The following SLC25A21 variants were observed in gnomAD, a reference collection of about 807,000 sequenced individuals.
SLC25A21 encodes solute carrier family 25 member 21, also known as mitochondrial 2-oxodicarboxylate carrier.
Under a neutral mutation model 43.8 loss-of-function variants are expected in SLC25A21, and 47 were observed. The ratio of observed to expected loss-of-function variants is 1.07; its 90% CI spans 0.85 to 1.37. SLC25A21 has a LOEUF of 1.37. Ranked by LOEUF, SLC25A21 falls within the 40% of genes most tolerant of loss-of-function variation. The pLI is 0.00. For synonymous variants in SLC25A21, 131 were observed against 121.3 expected, an observed-to-expected ratio of 1.08 and a Z score of -0.52; for missense variants, 352 against 350.2, an observed-to-expected ratio of 1.00 and a Z score of -0.04.
chr14:37,151,201 G>T (rs929249285), intron 1 of SLC25A21, among the ~76,000 whole-genome samples: 1 of 152,044 alleles, frequency 6.6e-6, no homozygotes, highest in South Asian at 2.1e-4. Context: ...AATTACATGC[G>T]ACTTAAGATT....
chr14:37,076,970 G>C (rs1038274490), intron 1 of SLC25A21, among the ~76,000 whole-genome samples: 1 of 152,090 alleles, frequency 6.6e-6, no homozygotes, highest in African/African-American at 2.4e-5. Flanking sequence ...TAAAATTAAC[G>C]TAAAGTATGT....
At position 36,932,992 on chromosome 14, in the gene SLC25A21, C is replaced by A. The variant is rs538791983; in HGVS notation, c.71-57988G>T. Among the ~76,000 whole-genome samples, 44 of 152,174 alleles carry A rather than the reference C, an allele frequency of 2.9e-4. No homozygotes were observed. The South Asian group carries it at 8.7e-3, about 30-fold the overall frequency. On this transcript the variant is annotated intron_variant, in intron 1 of 9. Transcript: ENST00000331299. ...AAAAAAGAACTAAATAAATGTTAGGCATTGTTGTTTGGTAGAATTACATAA... is the reference window on the plus strand; with the variant it reads ...AAAAAAGAACTAAATAAATGTTAGGAATTGTTGTTTGGTAGAATTACATAA...
At chr14:37,059,778 C>T (rs1344740314) in intron 1 of SLC25A21, among the ~76,000 whole-genome samples, 1 of 152,092 alleles carries the variant, frequency 6.6e-6, no homozygotes, top group Non-Finnish European at 1.5e-5. Flanking sequence ...CTTAGCTAGT[C>T]TGGAATGGCC....
At chr14:36,944,277 T>C (rs1207274003) in intron 1 of SLC25A21, among the ~76,000 whole-genome samples, 3 of 152,086 alleles carry the variant, frequency 2.0e-5, no homozygotes, top group African/African-American at 7.2e-5. Context: ...AGGAAAGACA[T>C]GTGGACAAGT....
chr14:36,740,526 C>T (rs888349430), intron 3 of SLC25A21, among the ~76,000 whole-genome samples: 9 of 152,190 alleles, frequency 5.9e-5, no homozygotes, highest in Non-Finnish European at 1.3e-4. Context: ...AGATCAAAAA[C>T]TACATCACGT....
At chr14:37,144,808 T>G (rs546850657) in intron 1 of SLC25A21, among the ~76,000 whole-genome samples, 2 of 152,204 alleles carry the variant, frequency 1.3e-5, no homozygotes, top group African/African-American at 4.8e-5. Flanking sequence ...TTTTTTAGTA[T>G]TTTTAGTAGA....
intron 1 of SLC25A21, among the ~76,000 whole-genome samples, chr14:37,118,260 T>C (rs1317493640): frequency 6.6e-6 from 1 of 152,086 alleles, no homozygotes; most frequent in Non-Finnish European, 1.5e-5. Flanking sequence ...TGACAACTGA[T>C]GGCTCCACCC....
At chr14:36,875,063 T>C (rs1890480987) in intron 1 of SLC25A21, 59 bp from the exon 2 acceptor site, 1 of 1,415,606 alleles carries the variant, frequency 7.1e-7, no homozygotes. Flanking sequence ...TCTTATTTCC[T>C]TGATCCCGTC....
At position 36,742,967 on chromosome 14, in the gene SLC25A21, A is replaced by T. The variant is rs537989009; in HGVS notation, c.204-8394T>A. 8.3e-4 allele frequency among the ~76,000 whole-genome samples: 126 copies of T among 152,284 alleles called. No individual in the cohort carries two copies. The Middle Eastern group carries it at 0.017, about 21-fold the overall frequency. On this transcript the variant is annotated intron_variant, in intron 3 of 9. Coordinates refer to ENST00000331299, the MANE Select transcript of SLC25A21 (RefSeq NM_030631.4). ...AGTATGATTTTACCACAACAATGAAATTTTTTTGGGTGCAACTGAAATAAA... is the reference window on the plus strand; with the variant it reads ...AGTATGATTTTACCACAACAATGAATTTTTTTTGGGTGCAACTGAAATAAA...
At chr14:36,749,270 A>G (rs1885614723) in intron 3 of SLC25A21, among the ~76,000 whole-genome samples, 1 of 152,148 alleles carries the variant, frequency 6.6e-6, no homozygotes, top group South Asian at 2.1e-4. Flanking sequence ...TTCTAAATTT[A>G]ATTTGGCTAA....
At chr14:37,021,474 G>A (rs115701616) in intron 1 of SLC25A21, among the ~76,000 whole-genome samples, 3,417 of 151,822 alleles carry the variant, frequency 0.023, 136 homozygotes, top group African/African-American at 0.078. Context: ...CTATTTTTAC[G>A]AAACATAGCC....
At chr14:36,920,768 G>C (rs938927570) in intron 1 of SLC25A21, among the ~76,000 whole-genome samples, 2 of 152,050 alleles carry the variant, frequency 1.3e-5, no homozygotes, top group Non-Finnish European at 2.9e-5. Flanking sequence ...AAGGAAGACA[G>C]TGAAATCCAG....
chr14:36,934,610 G>A (rs1892372772), intron 1 of SLC25A21, among the ~76,000 whole-genome samples: 2 of 151,766 alleles, frequency 1.3e-5, no homozygotes, highest in Non-Finnish European at 2.9e-5. Context: ...CAATTCACCA[G>A]TACTTATGGG....
intron 1 of SLC25A21, among the ~76,000 whole-genome samples, chr14:36,992,428 T>TAA (rs11453708): frequency 2.0e-5 from 3 of 151,938 alleles, no homozygotes; most frequent in African/African-American, 7.2e-5. Context: ...AAATAAATAA[T>TAA]AAAAAAATTT....
At chr14:36,985,992 C>T (rs1960137651) in intron 1 of SLC25A21, among the ~76,000 whole-genome samples, 1 of 152,054 alleles carries the variant, frequency 6.6e-6, no homozygotes, top group South Asian at 2.1e-4. Context: ...TAATATAAGA[C>T]ACTACAAAGC....
chr14:36,862,564 A>T (rs550791599), intron 2 of SLC25A21, among the ~76,000 whole-genome samples: 3 of 152,168 alleles, frequency 2.0e-5, no homozygotes, highest in African/African-American at 7.2e-5. Context: ...AACAATGAGA[A>T]CACATGGACA....
intron 1 of SLC25A21, among the ~76,000 whole-genome samples, chr14:37,159,905 G>A (rs1594824423): frequency 6.6e-6 from 1 of 152,164 alleles, no homozygotes; most frequent in East Asian, 1.9e-4. Context: ...TTAAAAAGTA[G>A]GCAAAGTACA....
chr14:36,910,014 A>G (rs1891641006), intron 1 of SLC25A21, among the ~76,000 whole-genome samples: 1 of 152,190 alleles, frequency 6.6e-6, no homozygotes, highest in African/African-American at 2.4e-5. Flanking sequence ...GACACTTGTA[A>G]TCATGAAGTG....
chr14:36,969,536 T>A (rs1959702214), intron 1 of SLC25A21, among the ~76,000 whole-genome samples: 1 of 152,060 alleles, frequency 6.6e-6, no homozygotes, highest in Non-Finnish European at 1.5e-5. Flanking sequence ...TGGCCCAGGC[T>A]GGAGTGCAGT....
Sources: gnomAD v4.1 joint callset for allele counts (sites outside exome capture counted in the v4.1 genomes callset) on GRCh38, gnomAD v4.1.1 for gene constraint, MANE v1.5 for transcripts, NCBI Gene and HGNC (gene_info 2026-07-23, HGNC 2026-07-21) for gene names.